GABRA2: variants seen among roughly 807,000 people sequenced by gnomAD.
GABRA2 encodes the protein gamma-aminobutyric acid receptor subunit alpha-2.
A neutral mutation model predicts 48.7 loss-of-function variants in GABRA2; 16 were observed. The observed-to-expected ratio is 0.33, with a 90% CI of 0.22 to 0.50. GABRA2 has a LOEUF of 0.50. Among genes scored for constraint, GABRA2 ranks in the 20% least tolerant of loss-of-function variants. The pLI is 0.98. For missense variants in GABRA2, 275 were observed against 535.6 expected (o/e 0.51, Z 4.80); for synonymous variants, 185 against 184.5 (o/e 1.00, Z -0.02).
At chr4:46,369,799 A>C (rs968339577) in intron 3 of GABRA2, among the ~76,000 whole-genome samples, 11 of 152,108 alleles carry the variant, frequency 7.2e-5, no homozygotes, top group African/African-American at 2.4e-4. Flanking sequence ...TGTTAGAGTT[A>C]TATTAAATAT....
At chr4:46,325,460 A>G (rs1356460576) in intron 4 of GABRA2, among the ~76,000 whole-genome samples, 1 of 151,960 alleles carries the variant, frequency 6.6e-6, no homozygotes, top group Non-Finnish European at 1.5e-5. Context: ...AGTACTTTAT[A>G]GATTCTGGCT....
chr4:46,277,613 TC>T (rs1294140117), intron 8 of GABRA2, among the ~76,000 whole-genome samples: 1 of 152,188 alleles, frequency 6.6e-6, no homozygotes, highest in Non-Finnish European at 1.5e-5. Context: ...CATGTGACTT[TC>T]TGATTGTCTC....
At chr4:46,291,796 T>TATATATATATATAC (rs1292821999) in intron 8 of GABRA2, among the ~76,000 whole-genome samples, 26 of 150,268 alleles carry the variant, frequency 1.7e-4, no homozygotes, top group African/African-American at 6.3e-4. Context: ...TATATACATA[T>TATATATATATATAC]ACATATATAT....
intron 3 of GABRA2, among the ~76,000 whole-genome samples, chr4:46,385,594 T>C (rs950046042): frequency 3.9e-5 from 6 of 152,084 alleles, no homozygotes; most frequent in African/African-American, 1.4e-4. Flanking sequence ...AAATATCACA[T>C]GCAAGTGTAA....
chr4:46,260,504 A>T (rs1396399130), intron 9 of GABRA2, among the ~76,000 whole-genome samples: 1 of 151,884 alleles, frequency 6.6e-6, no homozygotes, highest in East Asian at 1.9e-4. Context: ...GGCACTCTCT[A>T]ATATTAAAAT....
intron 8 of GABRA2, among the ~76,000 whole-genome samples, chr4:46,289,515 A>G (rs867000921): frequency 6.6e-6 from 1 of 152,176 alleles, no homozygotes; most frequent in Non-Finnish European, 1.5e-5. Flanking sequence ...ACATGGACAC[A>G]TAGGGAGGAA....
chr4:46,260,535 T>A (rs1440395044), intron 9 of GABRA2, among the ~76,000 whole-genome samples: 4 of 151,870 alleles, frequency 2.6e-5, no homozygotes, highest in Non-Finnish European at 5.9e-5. Context: ...TAAATTTATA[T>A]ACGGGAATTC....
chr4:46,330,402 A>G (rs1345408867), intron 4 of GABRA2, among the ~76,000 whole-genome samples: 2 of 151,966 alleles, frequency 1.3e-5, no homozygotes, highest in Non-Finnish European at 2.9e-5. Context: ...TGGTCACAAC[A>G]AGGAGAGGTA....
chr4:46,270,608 C>G (rs537475510), intron 8 of GABRA2, among the ~76,000 whole-genome samples: 1 of 151,830 alleles, frequency 6.6e-6, no homozygotes, highest in South Asian at 2.1e-4. Flanking sequence ...AAGGTAAGTA[C>G]TTTAAAGTGT....
intron 4 of GABRA2, among the ~76,000 whole-genome samples, chr4:46,315,422 T>C (rs947931699): frequency 6.6e-6 from 1 of 152,046 alleles, no homozygotes. Flanking sequence ...GTCCTAGGTG[T>C]GCCCTGCCAA....
At chr4:46,306,875 A>T (rs571384373) in intron 6 of GABRA2, among the ~76,000 whole-genome samples, 2 of 152,048 alleles carry the variant, frequency 1.3e-5, no homozygotes, top group Non-Finnish European at 2.9e-5. Flanking sequence ...TTTCCACTCA[A>T]CCATCAGTAA....
intron 4 of GABRA2, among the ~76,000 whole-genome samples, chr4:46,330,738 A>AT (rs1731214978): frequency 6.6e-6 from 1 of 151,882 alleles, no homozygotes; most frequent in Non-Finnish European, 1.5e-5. Flanking sequence ...TGGGAGTCTT[A>AT]TATCATTTGC....
chr4:46,388,899 C>T, intron 1 of GABRA2, 183 bp from the exon 2 acceptor site: 2 of 1,348,370 alleles, frequency 1.5e-6, no homozygotes, highest in Non-Finnish European at 9.5e-7. Flanking sequence ...GGACCCCCAC[C>T]CCCACCCTTT....
At chr4:46,273,174 A>G (rs1719678227) in intron 8 of GABRA2, among the ~76,000 whole-genome samples, 1 of 149,576 alleles carries the variant, frequency 6.7e-6, no homozygotes, top group Admixed American at 6.8e-5. Context: ...AGTTGTTTTT[A>G]AGATTGTCTC....
intron 3 of GABRA2, among the ~76,000 whole-genome samples, chr4:46,337,666 A>AAAAC (rs953324603): frequency 2.0e-5 from 3 of 151,438 alleles, no homozygotes; most frequent in Non-Finnish European, 4.4e-5. Flanking sequence ...AAAAAAAAAA[A>AAAAC]AGAGACTGAG....
chr4:46,309,593 A>G (rs566126635), intron 6 of GABRA2, among the ~76,000 whole-genome samples: 1 of 151,924 alleles, frequency 6.6e-6, no homozygotes, highest in Non-Finnish European at 1.5e-5. Context: ...CATACAAGAT[A>G]TAACCCTTCT....
At chr4:46,279,504 A>T (rs58656216) in intron 8 of GABRA2, among the ~76,000 whole-genome samples, 316 of 151,900 alleles carry the variant, frequency 2.1e-3, no homozygotes, top group African/African-American at 6.7e-3. Context: ...CTTTTTTTAA[A>T]TTTTTTTTAT....
At chr4:46,271,159 C>T (rs910951253) in intron 8 of GABRA2, among the ~76,000 whole-genome samples, 30 of 151,874 alleles carry the variant, frequency 2.0e-4, no homozygotes, top group Middle Eastern at 3.2e-3. Context: ...CAAACAGGCA[C>T]GAAAGACTGC....
At chr4:46,289,404 TG>T (rs1415041448) in intron 8 of GABRA2, among the ~76,000 whole-genome samples, 4 of 152,272 alleles carry the variant, frequency 2.6e-5, no homozygotes, top group African/African-American at 7.2e-5. Context: ...TGCAGGAACA[TG>T]GGTGGATCTG....
Sources: gnomAD v4.1 joint callset for allele counts (sites outside exome capture counted in the v4.1 genomes callset) on GRCh38, gnomAD v4.1.1 for gene constraint, MANE v1.5 for transcripts, NCBI Gene and HGNC (gene_info 2026-07-23, HGNC 2026-07-21) for gene names.